WNK2: variants seen among roughly 807,000 people sequenced by gnomAD.
WNK2 encodes WNK lysine deficient protein kinase 2.
A neutral mutation model predicts 192.1 loss-of-function variants in WNK2; 67 were observed. The observed-to-expected ratio is 0.35, with a 90% CI of 0.29 to 0.43. WNK2 has a LOEUF of 0.43. WNK2 is among the 20% of genes least tolerant of loss of function. The pLI, the probability that WNK2 is intolerant of heterozygous loss-of-function variation, is 1.00. For synonymous variants in WNK2, 1,439 were observed against 1,393.9 expected, an observed-to-expected ratio of 1.03 and a Z score of -0.72; for missense variants, 2,698 against 3,089.7, an observed-to-expected ratio of 0.87 and a Z score of 3.01.
In WNK2 at chr9:93,300,118, A is replaced by C. The variant is rs1272100923; in HGVS notation, c.6183A>C (p.Arg2061=). The C allele has an allele frequency of 6.2e-7, 1 of 1,613,248 alleles. No individual in the cohort carries two copies. Among genetic ancestry groups the C allele is most frequent in the African/African-American group, 1.3e-5 (1 of 74,846 alleles). Reference sequence around the variant, plus strand: ...AGTCTAGTAGCAAACCTCGTGCTCGATTCCTCAGTGGACCCGTATCTGTGT... The same window carrying C: ...AGTCTAGTAGCAAACCTCGTGCTCGCTTCCTCAGTGGACCCGTATCTGTGT... ...TYKSSSKPRA[R]FLSGPVSVSI... is the part of the protein sequence containing the mutation. Residue 2061 remains arginine (R), a synonymous_variant, in exon 26 of 30, where the codon CGA becomes CGC. Coordinates refer to ENST00000427277, the MANE Select transcript of WNK2 (RefSeq NM_006648.4).
intron 6 of WNK2, 82 bp downstream of exon 6, chr9:93,238,403 A>G: frequency 7.4e-7 from 1 of 1,354,404 alleles, no homozygotes; most frequent in Non-Finnish European, 1.0e-6. Flanking sequence ...TGTGTTCTTG[A>G]TGAGGGGACT....
At chr9:93,226,049 C>T (rs1588025561) in intron 2 of WNK2, among the ~76,000 whole-genome samples, 1 of 152,228 alleles carries the variant, frequency 6.6e-6, no homozygotes, top group Non-Finnish European at 1.5e-5. Flanking sequence ...CGAGTCTGGA[C>T]CGCCTGGCTT....
chr9:93,243,178 G>A (rs1188059481), intron 7 of WNK2, among the ~76,000 whole-genome samples: 1 of 152,148 alleles, frequency 6.6e-6, no homozygotes, highest in Non-Finnish European at 1.5e-5. Context: ...CTGTCCTAAG[G>A]TGGCAAAGCC....
Position 93,184,953 on chromosome 9 carries a change from A to G in WNK2, c.24A>G (p.Arg8=). MDGDGGR[R]DVPGTLMEPG... Reference sequence around the variant, plus strand: ...AGATGGACGGCGATGGCGGCCGCCGAGACGTCCCCGGCACGCTGATGGAGC... The same window carrying G: ...AGATGGACGGCGATGGCGGCCGCCGGGACGTCCCCGGCACGCTGATGGAGC... Residue 8 remains arginine (R), a synonymous_variant, in exon 2 of 30, where the codon CGA becomes CGG. Coordinates refer to ENST00000427277, the MANE Select transcript of WNK2 (RefSeq NM_006648.4). 8.3e-7 allele frequency: 1 copy of G among 1,198,286 alleles called. No homozygotes were observed. The highest frequency in any genetic ancestry group is 1.0e-6 in the Non-Finnish European group (1 of 969,818). 74.2% of individuals were successfully genotyped at this position (1,198,286 alleles called of 1,614,324 possible).
At chr9:93,309,335 T>C (rs1485377373) in intron 28 of WNK2, 2 of 164,234 alleles carry the variant, frequency 1.2e-5, no homozygotes, top group African/African-American at 4.8e-5. Context: ...ATATTTTTGC[T>C]GTATTTATCA....
chr9:93,206,787 C>T (rs999962330), intron 2 of WNK2, among the ~76,000 whole-genome samples: 2 of 152,198 alleles, frequency 1.3e-5, no homozygotes, highest in African/African-American at 4.8e-5. Context: ...TAGAGTGACA[C>T]CTGCTTCCCC....
chr9:93,254,343 G>A (rs775043222), intron 9 of WNK2, among the ~76,000 whole-genome samples: 5 of 152,238 alleles, frequency 3.3e-5, no homozygotes, highest in Non-Finnish European at 7.3e-5. Context: ...AGCAGCTCCT[G>A]CCTGGCGCTT....
At chr9:93,202,415 C>T (rs931801786) in intron 2 of WNK2, among the ~76,000 whole-genome samples, 3 of 151,952 alleles carry the variant, frequency 2.0e-5, no homozygotes, top group Non-Finnish European at 4.4e-5. Context: ...GCCCCTCCGG[C>T]GCTTCCGTGG....
At chr9:93,264,208 G>A (rs1588289673) in intron 16 of WNK2, among the ~76,000 whole-genome samples, 175 bp downstream of exon 16, 3 of 152,156 alleles carry the variant, frequency 2.0e-5, no homozygotes, top group African/African-American at 4.8e-5. Flanking sequence ...CACACTGGGC[G>A]GAAACCCCTT....
intron 23 of WNK2, among the ~76,000 whole-genome samples, chr9:93,296,961 G>A (rs1214245902): frequency 3.1e-5 from 2 of 63,556 alleles, no homozygotes; most frequent in Admixed American, 4.3e-4. Flanking sequence ...CCTCCCCTCT[G>A]CATCCCCTCG....
Position 93,256,311 on chromosome 9 carries a change from G to T in WNK2, c.2047G>T (p.Val683Leu), listed in dbSNP as rs775077443. The T allele has an allele frequency of 6.4e-7, 1 of 1,567,612 alleles. No individual in the cohort carries two copies. The highest frequency in any genetic ancestry group is 1.8e-5 in the Admixed American group (1 of 56,738). The change falls in exon 10 of 30, where the codon GTG (valine) becomes TTG (leucine). Residue 683 changes from valine (V) to leucine (L), a missense_variant. Around this residue, in one of 7 missense-constraint regions of WNK2, gnomAD observed 893 missense variants for 909.0 expected, o/e 0.98. Coordinates refer to ENST00000427277, the MANE Select transcript of WNK2 (RefSeq NM_006648.4). ...QQPTAAPGLP[V>L]GSVPAPACPP... ...GTGCTCTCTGCAGCCTGGCTTGCCG[G>T]TGGGCTCTGTCCCGGCCCCCGCCTG...
chr9:93,276,860 AC>A (rs1412253732), intron 19 of WNK2, among the ~76,000 whole-genome samples: 1 of 152,082 alleles, frequency 6.6e-6, no homozygotes, highest in Non-Finnish European at 1.5e-5. Context: ...AGATGGTGAA[AC>A]CCCATCTCTA....
At chr9:93,310,608 A>G (rs1237959278) in intron 28 of WNK2, among the ~76,000 whole-genome samples, 2 of 152,174 alleles carry the variant, frequency 1.3e-5, no homozygotes, top group African/African-American at 4.8e-5. Context: ...ATTAAACACT[A>G]GTTCCTCAGC....
intron 2 of WNK2, among the ~76,000 whole-genome samples, chr9:93,186,880 G>A (rs959535648): frequency 1.3e-5 from 2 of 152,130 alleles, no homozygotes; most frequent in Non-Finnish European, 2.9e-5. Flanking sequence ...TCCTTAGGAG[G>A]GACTGAACAG....
intron 26 of WNK2, among the ~76,000 whole-genome samples, chr9:93,301,393 T>C (rs1414468625): frequency 3.9e-5 from 6 of 152,084 alleles, no homozygotes; most frequent in Admixed American, 6.5e-5. Context: ...GGGTCATCAT[T>C]CTCCGGGCAG....
At chr9:93,313,223 A>G (rs1853993116) in intron 28 of WNK2, among the ~76,000 whole-genome samples, 1 of 152,114 alleles carries the variant, frequency 6.6e-6, no homozygotes, top group Admixed American at 6.5e-5. Context: ...TGTTTTTGTC[A>G]GTTAAATATT....
At chr9:93,256,263 A>G (rs1843267454) in intron 9 of WNK2, 36 bp from the exon 10 acceptor site, 1 of 1,459,552 alleles carries the variant, frequency 6.9e-7, no homozygotes, top group East Asian at 2.6e-5. Flanking sequence ...GGTGGCCGAG[A>G]GCTGCTGCTG....
rs1412768585 is a variant in WNK2, at chr9:93,257,650, C to T, written c.2382+511C>T. ...TGGCACAGAAAGCAGGTAGGTTTGC[C>T]TCAGAGGAGCGTTCTTCCTGTGGAG... On this transcript the variant is annotated intron_variant, in intron 11 of 29. Transcript: ENST00000427277. This position sits in a 1 kb window ranked among gnomAD's most constrained non-coding sequence, Gnocchi z 4.7. 2.6e-5 allele frequency among the ~76,000 whole-genome samples: 4 copies of T among 152,200 alleles called. No homozygotes were observed. Among genetic ancestry groups the T allele is most frequent in the Non-Finnish European group, 4.4e-5 (3 of 68,030 alleles).
At chr9:93,228,118 G>T (rs1212505134) in intron 2 of WNK2, among the ~76,000 whole-genome samples, 1 of 152,184 alleles carries the variant, frequency 6.6e-6, no homozygotes, top group Admixed American at 6.5e-5. Context: ...CATGACAATG[G>T]CTTCTCTGGG....
Sources: allele counts gnomAD v4.1 joint callset (sites outside exome capture counted in the v4.1 genomes callset), GRCh38; gene constraint gnomAD v4.1.1; regional missense constraint gnomAD v4.1.1; non-coding constraint Gnocchi (gnomAD v3.1); transcripts MANE v1.5; gene names NCBI Gene and HGNC (gene_info 2026-07-23, HGNC 2026-07-21).